COG5: variants seen among roughly 807,000 people sequenced by gnomAD.
The protein encoded by COG5 is conserved oligomeric Golgi complex subunit 5.
In COG5, 86 loss-of-function variants were observed where a neutral mutation model predicts 110.4. The ratio of observed to expected loss-of-function variants is 0.78; its 90% CI spans 0.65 to 0.93. The LOEUF (loss-of-function observed/expected upper bound fraction) is 0.93, where lower values mean the gene tolerates loss of function less well. Ranked by LOEUF, COG5 falls within the 40% of genes least tolerant of loss-of-function variation. The pLI is 0.00. For synonymous variants in COG5, 360 were observed against 334.6 expected, an observed-to-expected ratio of 1.08 and a Z score of -0.83; for missense variants, 1,077 against 987.0, an observed-to-expected ratio of 1.09 and a Z score of -1.22.
At chr7:107,291,858 C>T (rs983021729) in intron 12 of COG5, among the ~76,000 whole-genome samples, 5 of 152,214 alleles carry the variant, frequency 3.3e-5, no homozygotes, top group Non-Finnish European at 4.4e-5. Flanking sequence ...ACTAGAACTA[C>T]AAGTCTCCTC....
At chr7:107,533,128 C>T (rs1310901846) in intron 5 of COG5, among the ~76,000 whole-genome samples, 1 of 151,460 alleles carries the variant, frequency 6.6e-6, no homozygotes, top group East Asian at 1.9e-4. Context: ...GCAATAGCAT[C>T]AACACCAACA....
intron 3 of COG5, among the ~76,000 whole-genome samples, chr7:107,549,558 AT>A (rs764100280): frequency 0.27 from 37,799 of 137,586 alleles, 4,803 homozygotes; most frequent in East Asian, 0.31. Flanking sequence ...CGCCCAGCTA[AT>A]TTTTTTTTTT....
chr7:107,484,201 C>T (rs1797518740), intron 6 of COG5, among the ~76,000 whole-genome samples: 1 of 151,982 alleles, frequency 6.6e-6, no homozygotes, highest in Non-Finnish European at 1.5e-5. Flanking sequence ...CAGGCGTGCA[C>T]CAACGCTACC....
chr7:107,491,727 C>T (rs1172957407), intron 6 of COG5, among the ~76,000 whole-genome samples: 3 of 152,132 alleles, frequency 2.0e-5, no homozygotes, highest in Non-Finnish European at 4.4e-5. Flanking sequence ...GGATTCCTCA[C>T]AATACAATGT....
intron 7 of COG5, among the ~76,000 whole-genome samples, chr7:107,409,613 G>C (rs943455074): frequency 3.3e-5 from 5 of 152,176 alleles, no homozygotes; most frequent in Non-Finnish European, 1.5e-5. Context: ...TCAAGTGAGA[G>C]AAATTTTAGT....
chr7:107,249,790 T>C (rs1802356636), intron 16 of COG5, among the ~76,000 whole-genome samples: 1 of 148,384 alleles, frequency 6.7e-6, no homozygotes, highest in Admixed American at 6.8e-5. Flanking sequence ...GTGAGAATAG[T>C]TAAAACGTTA....
rs1302971089 is a variant in COG5, at chr7:107,527,283, C to G, written c.492G>C (p.Gly164=). The G allele has an allele frequency of 1.2e-6, 2 of 1,611,148 alleles. No individual in the cohort carries two copies. Among genetic ancestry groups the G allele is most frequent in the Admixed American group, 3.3e-5 (2 of 59,744 alleles). Residue 164 remains glycine (G), a synonymous_variant, in exon 6 of 22, where the codon GGG becomes GGC. Coordinates refer to ENST00000297135, the MANE Select transcript of COG5 (RefSeq NM_006348.5). ...LSKRLQGQLQ[G]GSREITKAAQ... Reference sequence around the variant, plus strand: ...CAGCTTTTGTTATCTCTCTACTTCCCCCTTGCAGTTGTCCTTGGAGTCTCT... The same window carrying G: ...CAGCTTTTGTTATCTCTCTACTTCCGCCTTGCAGTTGTCCTTGGAGTCTCT...
chr7:107,334,060 AG>A (rs1810493008), intron 10 of COG5, among the ~76,000 whole-genome samples: 2 of 152,132 alleles, frequency 1.3e-5, no homozygotes, highest in Admixed American at 1.3e-4. Context: ...TCCCAGCACT[AG>A]GTATATATCC....
intron 10 of COG5, among the ~76,000 whole-genome samples, chr7:107,334,889 T>G (rs573512105): frequency 1.3e-5 from 2 of 152,246 alleles, no homozygotes; most frequent in Non-Finnish European, 2.9e-5. Context: ...ATACTGTAAC[T>G]GTGCTGTGTG....
chr7:107,459,837 T>C (rs1485160700), intron 6 of COG5, among the ~76,000 whole-genome samples: 1 of 151,558 alleles, frequency 6.6e-6, no homozygotes, highest in African/African-American at 2.4e-5. Flanking sequence ...AAAAACATTA[T>C]CGGTAAGGCT....
At position 107,415,884 on chromosome 7, in the gene COG5, A is replaced by G. The variant is rs540760822; in HGVS notation, c.539-3252T>C. 9.0e-5 allele frequency among the ~76,000 whole-genome samples: 11 copies of G among 122,794 alleles called. 2 individuals carry two copies. Among genetic ancestry groups the G allele is most frequent in the South Asian group, 2.5e-4 (1 of 3,970 alleles). 80.6% of individuals were successfully genotyped at this position (122,794 alleles called of 152,430 possible). On this transcript the variant is annotated intron_variant, in intron 6 of 21. Transcript: ENST00000297135. ...TACACGTATGTATGTATGTGTGTGT[A>G]TATACACACACATACACGTATGTAT...
At chr7:107,240,451 A>G (rs1373878503) in intron 17 of COG5, among the ~76,000 whole-genome samples, 1 of 152,096 alleles carries the variant, frequency 6.6e-6, no homozygotes, top group Admixed American at 6.6e-5. Flanking sequence ...CCTGACCTCA[A>G]GTGATCTGCC....
Position 107,459,501 on chromosome 7 carries a change from T to A in COG5, c.539-46869A>T, listed in dbSNP as rs556186766. 7.6e-4 allele frequency among the ~76,000 whole-genome samples: 115 copies of A among 152,140 alleles called. 1 individual carries two copies. Among genetic ancestry groups the A allele is most frequent in the Admixed American group, 1.6e-3 (25 of 15,280 alleles). The stretch of plus-strand genomic sequence containing the variant: ...AAAAAAAAATTATCTTTATTTTAAA[T>A]GTTAATAGAACAGGGCCAGGTGTGG... On this transcript the variant is annotated intron_variant, in intron 6 of 21. Transcript: ENST00000297135.
At chr7:107,208,740 G>C (rs1859294) in intron 21 of COG5, 422,941 of 985,010 alleles carry the variant, frequency 0.43, 91,311 homozygotes, top group South Asian at 0.55. Context: ...CAGGGTCCGA[G>C]CTAATCTTTA....
At chr7:107,401,808 G>T (rs1278558390) in intron 7 of COG5, among the ~76,000 whole-genome samples, 1 of 152,172 alleles carries the variant, frequency 6.6e-6, no homozygotes, top group Non-Finnish European at 1.5e-5. Flanking sequence ...TAGGCAAATG[G>T]TGTTTGTTGG....
At chr7:107,414,011 T>A (rs998946239) in intron 6 of COG5, among the ~76,000 whole-genome samples, 1 of 152,148 alleles carries the variant, frequency 6.6e-6, no homozygotes, top group Non-Finnish European at 1.5e-5. Flanking sequence ...ATCCCAGGCC[T>A]CAAAAGAATA....
At chr7:107,547,178 G>A (rs956345363) in intron 5 of COG5, among the ~76,000 whole-genome samples, 1 of 152,114 alleles carries the variant, frequency 6.6e-6, no homozygotes, top group East Asian at 1.9e-4. Flanking sequence ...CATTCACCAT[G>A]ATCAAGTGAG....
intron 6 of COG5, among the ~76,000 whole-genome samples, chr7:107,511,422 A>G (rs536197302): frequency 4.7e-4 from 71 of 152,274 alleles, no homozygotes; most frequent in African/African-American, 1.7e-3. Context: ...CAACCAAAAA[A>G]AGTCCAGGAG....
intron 5 of COG5, among the ~76,000 whole-genome samples, chr7:107,544,512 C>G (rs1386744025): frequency 2.0e-5 from 3 of 152,162 alleles, no homozygotes; most frequent in Non-Finnish European, 4.4e-5. Flanking sequence ...AGTCTGCAGA[C>G]CAAACCTCAT....
Sources: allele counts gnomAD v4.1 joint callset (sites outside exome capture counted in the v4.1 genomes callset), GRCh38; gene constraint gnomAD v4.1.1; transcripts MANE v1.5; gene names NCBI Gene and HGNC (gene_info 2026-07-23, HGNC 2026-07-21).